Variants in INTS9 observed in about 807,000 individuals in gnomAD.
INTS9 encodes protein related to CPSF subunits of 74 kDa.
Under a neutral mutation model 79.7 loss-of-function variants are expected in INTS9, and 55 were observed. That is an observed-to-expected ratio of 0.69 (90% CI 0.56 to 0.86). The LOEUF (loss-of-function observed/expected upper bound fraction) is 0.86, where lower values mean the gene tolerates loss of function less well. Among genes scored for constraint, INTS9 ranks in the 40% least tolerant of loss-of-function variants. INTS9 has a pLI of 0.00. For missense variants in INTS9, 721 were observed against 831.5 expected (o/e 0.87, Z 1.64); for synonymous variants, 319 against 325.2 (o/e 0.98, Z 0.20).
Position 28,835,384 on chromosome 8 carries a change from T to C in INTS9, c.402-6A>G. 2 of 1,610,266 alleles carry C rather than the reference T, an allele frequency of 1.2e-6. No individual in the cohort carries two copies. Among genetic ancestry groups the C allele is most frequent in the Non-Finnish European group, 1.7e-6 (2 of 1,177,136 alleles). On this transcript the variant is annotated splice_polypyrimidine_tract_variant and splice_region_variant and intron_variant, in intron 5 of 16. Transcript: ENST00000521022. ...CCAGCTCTTCCATGAGAAGCCTGAG[T>C]TTAAACAAAACAAGTGAGGAACACC...
chr8:28,794,935 T>C (rs1046089689), intron 9 of INTS9, among the ~76,000 whole-genome samples: 6 of 152,226 alleles, frequency 3.9e-5, no homozygotes, highest in East Asian at 1.9e-4. Flanking sequence ...TCTGTGATTC[T>C]AGATTATAAA....
intron 1 of INTS9, among the ~76,000 whole-genome samples, chr8:28,865,832 A>G (rs1347263886): frequency 6.6e-6 from 1 of 152,158 alleles, no homozygotes; most frequent in Non-Finnish European, 1.5e-5. Flanking sequence ...GTCAGCCATG[A>G]TCACTTTGAA....
chr8:28,819,568 T>C (rs1303861170), intron 6 of INTS9, among the ~76,000 whole-genome samples: 1 of 152,222 alleles, frequency 6.6e-6, no homozygotes, highest in Non-Finnish European at 1.5e-5. Context: ...GAGCTTTACT[T>C]CCAAGTATGT....
At chr8:28,839,488 T>C (rs945349215) in intron 4 of INTS9, among the ~76,000 whole-genome samples, 2 of 152,020 alleles carry the variant, frequency 1.3e-5, no homozygotes, top group Non-Finnish European at 2.9e-5. Flanking sequence ...GCCAAGTCAA[T>C]CCTAAGCCAA....
At chr8:28,879,910 C>T (rs1471684804) in intron 1 of INTS9, among the ~76,000 whole-genome samples, 2 of 151,768 alleles carry the variant, frequency 1.3e-5, no homozygotes, top group Non-Finnish European at 2.9e-5. Context: ...GAGGTAGTAA[C>T]GGAGATCTTT....
chr8:28,838,708 A>G (rs1806973804), intron 4 of INTS9, among the ~76,000 whole-genome samples: 1 of 152,050 alleles, frequency 6.6e-6, no homozygotes, highest in African/African-American at 2.4e-5. Flanking sequence ...TTTAGTAGAG[A>G]TGGGTTTTCA....
At chr8:28,820,342 G>A (rs952186159) in intron 6 of INTS9, among the ~76,000 whole-genome samples, 3 of 152,164 alleles carry the variant, frequency 2.0e-5, no homozygotes, top group Non-Finnish European at 4.4e-5. Context: ...TTTTAGGGCA[G>A]GCCTGGTGGT....
intron 1 of INTS9, among the ~76,000 whole-genome samples, chr8:28,882,458 T>TAA (rs1163422904): frequency 1.1e-4 from 4 of 35,928 alleles, no homozygotes; most frequent in African/African-American, 2.3e-4. Context: ...GAATGATCAA[T>TAA]AAAAAAAAAA....
chr8:28,785,304 T>C (rs1262185406), intron 11 of INTS9, among the ~76,000 whole-genome samples: 1 of 152,256 alleles, frequency 6.6e-6, no homozygotes, highest in Non-Finnish European at 1.5e-5. Context: ...CATAACATTT[T>C]CACCCACTGG....
At chr8:28,781,533 A>G (rs987130140) in intron 11 of INTS9, among the ~76,000 whole-genome samples, 1 of 152,216 alleles carries the variant, frequency 6.6e-6, no homozygotes, top group South Asian at 2.1e-4. Flanking sequence ...TAAAACGTGG[A>G]AACAACCAAG....
At chr8:28,786,413 C>T (rs949649529) in intron 11 of INTS9, among the ~76,000 whole-genome samples, 1 of 152,092 alleles carries the variant, frequency 6.6e-6, no homozygotes, top group Non-Finnish European at 1.5e-5. Context: ...ACCCCAGCCT[C>T]TAGGGTAGCT....
chr8:28,840,447 TACCCAAA>T (rs1448645361), intron 4 of INTS9, among the ~76,000 whole-genome samples: 2 of 145,438 alleles, frequency 1.4e-5, no homozygotes, highest in Admixed American at 6.9e-5. Context: ...ACTGGGTATA[TACCCAAA>T]GGACTATAAG....
intron 12 of INTS9, among the ~76,000 whole-genome samples, chr8:28,778,706 G>T (rs1025568185): frequency 1.3e-5 from 2 of 152,172 alleles, no homozygotes; most frequent in South Asian, 4.1e-4. Context: ...AAAAGACCTC[G>T]CTCGGTCCTA....
chr8:28,790,355 G>A (rs574424128), intron 10 of INTS9, among the ~76,000 whole-genome samples: 16 of 152,276 alleles, frequency 1.1e-4, no homozygotes, highest in Admixed American at 9.8e-4. Flanking sequence ...GGGAAAAAGG[G>A]TGCCTTACAG....
chr8:28,774,786 G>A (rs1802771821), intron 14 of INTS9, among the ~76,000 whole-genome samples: 1 of 152,164 alleles, frequency 6.6e-6, no homozygotes, highest in African/African-American at 2.4e-5. Flanking sequence ...CTCAAGAGGT[G>A]AAAGGAAGCC....
At chr8:28,856,673 T>C (rs1808178734) in intron 2 of INTS9, among the ~76,000 whole-genome samples, 1 of 152,222 alleles carries the variant, frequency 6.6e-6, no homozygotes, top group Non-Finnish European at 1.5e-5. Context: ...CATTTGTAAG[T>C]TGCTGTTTGG....
chr8:28,834,790 C>A (rs945958822), intron 6 of INTS9, among the ~76,000 whole-genome samples: 6 of 152,146 alleles, frequency 3.9e-5, no homozygotes, highest in African/African-American at 1.2e-4. Context: ...AATTCTCCTG[C>A]CTCAGCCTCC....
chr8:28,875,806 CTA>C (rs2131354763), intron 1 of INTS9, among the ~76,000 whole-genome samples: 1 of 152,324 alleles, frequency 6.6e-6, no homozygotes, highest in African/African-American at 2.4e-5. Context: ...TAGGTAGGAT[CTA>C]TGTCTTATTC....
At position 28,767,877 on chromosome 8, in the gene INTS9, C is replaced by A; in HGVS notation, c.*269G>T. On this transcript the variant is annotated 3_prime_UTR_variant, in exon 17 of 17. Transcript: ENST00000521022. ...CTCCCATGAACCTCTTGGAAAACTT[C>A]TCCTGTCCCACTTCTGCCACCCTCC... The A allele has an allele frequency of 2.3e-6, 1 of 441,196 alleles. No homozygotes were observed. Among genetic ancestry groups the A allele is most frequent in the Non-Finnish European group, 4.2e-6 (1 of 239,054 alleles). The allele number at this position is 441,196 out of a possible 1,614,324, so 27.3% of individuals were successfully genotyped here.
Sources: gnomAD v4.1 joint callset for allele counts (sites outside exome capture counted in the v4.1 genomes callset) on GRCh38, gnomAD v4.1.1 for gene constraint, MANE v1.5 for transcripts, NCBI Gene and HGNC (gene_info 2026-07-23, HGNC 2026-07-21) for gene names.